VPS13A: variants seen among roughly 807,000 people sequenced by gnomAD.
VPS13A encodes vacuolar protein sorting 13 homolog A.
Under a neutral mutation model 390.9 loss-of-function variants are expected in VPS13A, and 264 were observed. That is an observed-to-expected ratio of 0.68 (90% CI 0.61 to 0.75). VPS13A has a LOEUF of 0.75. Ranked by LOEUF, VPS13A falls within the 30% of genes least tolerant of loss-of-function variation. The pLI is 0.00. For missense variants in VPS13A, 3,409 were observed against 3,733.9 expected (o/e 0.91, Z 2.27); for synonymous variants, 1,231 against 1,227.1 (o/e 1.00, Z -0.07).
At chr9:77,205,276 AT>A in intron 3 of VPS13A, 36 bp from the exon 4 acceptor site, 6 of 1,213,110 alleles carry the variant, frequency 4.9e-6, no homozygotes, top group Admixed American at 2.2e-5. Context: ...AAGGAGTAAT[AT>A]TTTTTGTCCT....
At chr9:77,331,989 T>C in intron 45 of VPS13A, 21 bp from the exon 46 acceptor site, 1 of 1,499,062 alleles carries the variant, frequency 6.7e-7, no homozygotes. Context: ...ATACTAAATA[T>C]TATTTGTTTT....
At chr9:77,305,140 G>T (rs750139627) in intron 34 of VPS13A, among the ~76,000 whole-genome samples, 2 of 151,862 alleles carry the variant, frequency 1.3e-5, no homozygotes, top group Non-Finnish European at 2.9e-5. Context: ...GGATTTCACC[G>T]TGTTAGCCAG....
intron 1 of VPS13A, among the ~76,000 whole-genome samples, chr9:77,187,618 C>T (rs965917948): frequency 6.6e-6 from 1 of 152,054 alleles, no homozygotes; most frequent in Middle Eastern, 3.4e-3. Context: ...TACACACACA[C>T]ACACACACAC....
chr9:77,271,524 G>T (rs149627641), intron 23 of VPS13A, among the ~76,000 whole-genome samples: 1 of 152,080 alleles, frequency 6.6e-6, no homozygotes, highest in African/African-American at 2.4e-5. Context: ...TCACAGTAGG[G>T]TTATTCATAA....
chr9:77,399,095 C>G (rs925678298), intron 68 of VPS13A, among the ~76,000 whole-genome samples: 2 of 135,920 alleles, frequency 1.5e-5, no homozygotes, highest in Non-Finnish European at 3.1e-5. Flanking sequence ...TGCAGCGCAC[C>G]AGCATGGCAC....
intron 9 of VPS13A, 21 bp downstream of exon 9, chr9:77,213,335 T>C: frequency 6.3e-7 from 1 of 1,580,326 alleles, no homozygotes; most frequent in Non-Finnish European, 8.7e-7. Flanking sequence ...TTTTTCTGTA[T>C]GTATTTGTTG....
chr9:77,208,637 C>T (rs1172621379), intron 5 of VPS13A, among the ~76,000 whole-genome samples: 1 of 150,042 alleles, frequency 6.7e-6, no homozygotes, highest in Non-Finnish European at 1.5e-5. Flanking sequence ...GCAGCCTCCA[C>T]CTCTCTGGTT....
intron 44 of VPS13A, among the ~76,000 whole-genome samples, chr9:77,322,816 C>G (rs866309042): frequency 8.6e-5 from 13 of 151,898 alleles, no homozygotes; most frequent in Non-Finnish European, 1.8e-4. Flanking sequence ...AGTACTTGCT[C>G]TCATTACTCA....
intron 13 of VPS13A, among the ~76,000 whole-genome samples, chr9:77,224,558 C>T (rs1054102865): frequency 3.9e-5 from 6 of 152,078 alleles, no homozygotes; most frequent in African/African-American, 1.4e-4. Context: ...GGTGGAAATA[C>T]GAAGAGAACT....
chr9:77,303,145 A>G (rs1587533495), intron 34 of VPS13A, 83 bp downstream of exon 34: 2 of 1,402,550 alleles, frequency 1.4e-6, no homozygotes, highest in East Asian at 4.6e-5. Flanking sequence ...ATTTGAGTGG[A>G]ATTTGTATAT....
chr9:77,337,437 T>A lies in VPS13A; in HGVS notation c.6278T>A (p.Val2093Glu). The change falls in exon 47 of 72, where the codon GTG (valine) becomes GAG (glutamate). Residue 2093 changes from valine (V) to glutamate (E), a missense_variant. By Grantham distance (121) the Val-to-Glu change is moderately radical (BLOSUM62 -2). This residue lies in a region of VPS13A where 2,717 missense variants were observed against 2,917.4 expected (regional missense o/e 0.93). Transcript: ENST00000360280. ...PEKDNLTSLS[V>E]YSEDGWDLPY... is the part of the protein sequence containing the mutation. ...AAAGATAATTTAACATCTCTATCAG[T>A]GTATTCAGAAGATGGTTGGGATTTA... The A allele has an allele frequency of 6.2e-7, 1 of 1,613,098 alleles. No individual in the cohort carries two copies. The highest frequency in any genetic ancestry group is 2.2e-5 in the East Asian group (1 of 44,766).
intron 1 of VPS13A, among the ~76,000 whole-genome samples, chr9:77,188,974 CTTGT>C (rs755000291): frequency 2.0e-5 from 3 of 151,624 alleles, no homozygotes; most frequent in East Asian, 1.9e-4. Context: ...TAGTTTTCTG[CTTGT>C]TTGTTTAAGT....
Position 77,419,971 on chromosome 9 carries a change from T to G in VPS13A, c.*3965T>G, listed in dbSNP as rs1453612591. 6.6e-6 allele frequency: 1 copy of G among 152,186 alleles called. No homozygotes were observed. Among genetic ancestry groups the G allele is most frequent in the African/African-American group, 2.4e-5 (1 of 41,458 alleles). The allele number at this position is 152,186 out of a possible 1,614,324, so 9.4% of individuals were successfully genotyped here. A position where few individuals can be genotyped will look rare whatever the true frequency, so the allele number is the denominator to read the frequency against. ...AAAACAGTGGATTTCCTCATTTCTT[T>G]AAGATCCAAGTAGAAAATGTAAATA... is the stretch of plus-strand genomic sequence containing the variant. On this transcript the variant is annotated 3_prime_UTR_variant, in exon 72 of 72. Transcript: ENST00000360280.
chr9:77,218,650 T>TC (rs1941473421), intron 10 of VPS13A, among the ~76,000 whole-genome samples: 1 of 151,938 alleles, frequency 6.6e-6, no homozygotes, highest in Admixed American at 6.6e-5. Flanking sequence ...TTGCCTTTTT[T>TC]TTTTTTTTTT....
chr9:77,240,302 G>A (rs967354339), intron 19 of VPS13A, among the ~76,000 whole-genome samples: 2 of 151,526 alleles, frequency 1.3e-5, no homozygotes, highest in Admixed American at 6.6e-5. Flanking sequence ...GGCCAGGCTG[G>A]TCTCAAACTC....
intron 21 of VPS13A, among the ~76,000 whole-genome samples, chr9:77,251,405 A>C (rs1187406195): frequency 6.6e-6 from 1 of 152,202 alleles, no homozygotes. Context: ...TACCTATTTC[A>C]GAAAATCTGA....
intron 6 of VPS13A, 130 bp downstream of exon 6, chr9:77,209,662 C>A: frequency 1.5e-6 from 1 of 645,512 alleles, no homozygotes; most frequent in East Asian, 2.8e-5. Flanking sequence ...ATGATGTGAT[C>A]CTTCTTTTCT....
intron 20 of VPS13A, among the ~76,000 whole-genome samples, chr9:77,249,622 G>T (rs970904000): frequency 6.6e-6 from 1 of 152,150 alleles, no homozygotes; most frequent in Non-Finnish European, 1.5e-5. Context: ...TGCCAATAAA[G>T]GAGAGATACA....
chr9:77,323,125 G>C lies in VPS13A; in HGVS notation c.5889G>C (p.Leu1963=). The C allele has an allele frequency of 6.2e-7, 1 of 1,613,392 alleles. No individual in the cohort carries two copies. The highest frequency in any genetic ancestry group is 8.5e-7 in the Non-Finnish European group (1 of 1,179,532). The change falls in exon 45 of 72, where the codon CTG becomes CTC. Residue 1963 remains leucine (L), a synonymous_variant. Transcript: ENST00000360280. ...CTTTAACAAAAGTGGGACGACGTCT[G>C]TACACTGTAAGACACAGAGAGTCTG... ...KIPLTKVGRR[L]YTVRHRESGV...
Sources: allele counts gnomAD v4.1 joint callset (sites outside exome capture counted in the v4.1 genomes callset), GRCh38; gene constraint gnomAD v4.1.1; regional missense constraint gnomAD v4.1.1; transcripts MANE v1.5; gene names NCBI Gene and HGNC (gene_info 2026-07-23, HGNC 2026-07-21).